GRIP1: variants seen among roughly 807,000 people sequenced by gnomAD.
GRIP1 encodes the protein glutamate receptor-interacting protein 1.
In GRIP1, 45 loss-of-function variants were observed where a neutral mutation model predicts 129.9. That is an observed-to-expected ratio of 0.35 (90% CI 0.27 to 0.44). The LOEUF (loss-of-function observed/expected upper bound fraction) is 0.44, where lower values mean the gene tolerates loss of function less well. Ranked by LOEUF, GRIP1 falls within the 20% of genes least tolerant of loss-of-function variation. GRIP1 has a pLI of 1.00. For missense variants in GRIP1, 1,196 were observed against 1,396.8 expected, an observed-to-expected ratio of 0.86 and a Z score of 2.29; for synonymous variants, 530 against 520.8, an observed-to-expected ratio of 1.02 and a Z score of -0.24.
intron 1 of GRIP1, among the ~76,000 whole-genome samples, chr12:66,981,101 A>G (rs1294987975): frequency 6.6e-6 from 1 of 152,192 alleles, no homozygotes; most frequent in Non-Finnish European, 1.5e-5. Context: ...TTAACCAAGC[A>G]CTTAAGCAAA....
At chr12:66,484,904 T>C (rs1410638173) in intron 7 of GRIP1, among the ~76,000 whole-genome samples, 1 of 152,200 alleles carries the variant, frequency 6.6e-6, no homozygotes, top group Non-Finnish European at 1.5e-5. Flanking sequence ...GAGTTGATCA[T>C]TATACACTCT....
intron 18 of GRIP1, 53 bp downstream of exon 18, chr12:66,392,624 A>G (rs762197654): frequency 1.9e-4 from 308 of 1,599,614 alleles, no homozygotes; most frequent in Admixed American, 6.8e-4. Flanking sequence ...CATTCTTTCA[A>G]GGAAGAAAAT....
chr12:66,622,396 T>C (rs1425228766), intron 1 of GRIP1, among the ~76,000 whole-genome samples: 1 of 152,090 alleles, frequency 6.6e-6, no homozygotes, highest in Non-Finnish European at 1.5e-5. Context: ...AACAATAATT[T>C]ATTGTGCATT....
chr12:66,901,552 C>A (rs930819349), intron 1 of GRIP1, among the ~76,000 whole-genome samples: 2 of 152,214 alleles, frequency 1.3e-5, no homozygotes, highest in African/African-American at 4.8e-5. Context: ...GGGAAGATGG[C>A]ACACATTAAG....
chr12:66,652,718 C>G (rs542884666), intron 1 of GRIP1, among the ~76,000 whole-genome samples: 1 of 152,320 alleles, frequency 6.6e-6, no homozygotes, highest in African/African-American at 2.4e-5. Context: ...GTGGCCATGT[C>G]CCCATCACTC....
At chr12:66,583,790 A>G (rs1274523561) in intron 2 of GRIP1, among the ~76,000 whole-genome samples, 1 of 135,146 alleles carries the variant, frequency 7.4e-6, no homozygotes. Flanking sequence ...AGAAATAGGA[A>G]CACTTTTACA....
upstream of GRIP1, among the ~76,000 whole-genome samples, chr12:66,679,696 G>C (rs2034509098): frequency 6.6e-6 from 1 of 152,142 alleles, no homozygotes; most frequent in Admixed American, 6.6e-5. Flanking sequence ...AAAGGACTTG[G>C]CTGGAAAGCA....
chr12:66,717,448 G>A (rs1481627297), intron 1 of GRIP1, among the ~76,000 whole-genome samples: 3 of 151,230 alleles, frequency 2.0e-5, no homozygotes, highest in Non-Finnish European at 4.4e-5. Flanking sequence ...GAAAATGTAC[G>A]CATCTGATGT....
chr12:66,456,997 A>C (rs1016115225), intron 9 of GRIP1, among the ~76,000 whole-genome samples: 3 of 152,208 alleles, frequency 2.0e-5, no homozygotes, highest in Non-Finnish European at 4.4e-5. Context: ...AAGCATATTT[A>C]CATTAGAAAT....
chr12:66,968,862 T>C (rs2042034171), intron 1 of GRIP1, among the ~76,000 whole-genome samples: 1 of 152,176 alleles, frequency 6.6e-6, no homozygotes, highest in Admixed American at 6.5e-5. Context: ...CATTATTCTT[T>C]TCTCTGAAGA....
chr12:66,618,456 T>C (rs1235163059), intron 1 of GRIP1, among the ~76,000 whole-genome samples: 1 of 152,096 alleles, frequency 6.6e-6, no homozygotes, highest in Admixed American at 6.6e-5. Context: ...TTTCACCATA[T>C]ATCTTCTCAT....
chr12:66,765,293 G>T (rs571215313), intron 1 of GRIP1, among the ~76,000 whole-genome samples: 3 of 152,114 alleles, frequency 2.0e-5, no homozygotes, highest in South Asian at 2.1e-4. Flanking sequence ...CATATTTTTT[G>T]AATGGGTTTC....
intron 1 of GRIP1, among the ~76,000 whole-genome samples, chr12:66,701,129 A>G (rs1169074111): frequency 1.3e-5 from 2 of 152,122 alleles, no homozygotes; most frequent in Non-Finnish European, 2.9e-5. Context: ...ACTAATAAAC[A>G]CAAACCCTCC....
At chr12:66,966,077 A>C (rs959169370) in intron 1 of GRIP1, among the ~76,000 whole-genome samples, 1 of 152,180 alleles carries the variant, frequency 6.6e-6, no homozygotes, top group Non-Finnish European at 1.5e-5. Context: ...GCTGAAGAAT[A>C]TATGGACTAT....
chr12:66,882,754 GC>G (rs1466076245), intron 1 of GRIP1, among the ~76,000 whole-genome samples: 2 of 152,114 alleles, frequency 1.3e-5, no homozygotes, highest in East Asian at 3.9e-4. Context: ...TTCATATTTT[GC>G]TTTTCAGTTC....
intron 1 of GRIP1, among the ~76,000 whole-genome samples, chr12:66,755,235 TA>T (rs1397036160): frequency 6.6e-6 from 1 of 152,196 alleles, no homozygotes; most frequent in Non-Finnish European, 1.5e-5. Flanking sequence ...AAGCCTTTAA[TA>T]TTTTTTTAGA....
At chr12:66,578,805 C>T (rs1199946952) in intron 2 of GRIP1, among the ~76,000 whole-genome samples, 1 of 152,208 alleles carries the variant, frequency 6.6e-6, no homozygotes, top group Non-Finnish European at 1.5e-5. Context: ...CTGCCTGCCT[C>T]CGTAGGCTCC....
At chr12:66,921,267 C>T (rs548932626) in intron 1 of GRIP1, among the ~76,000 whole-genome samples, 1 of 152,322 alleles carries the variant, frequency 6.6e-6, no homozygotes, top group African/African-American at 2.4e-5. Context: ...TTTCCATAAA[C>T]CCAACATGTG....
At chr12:66,639,141 GC>G (rs977694104) in intron 1 of GRIP1, among the ~76,000 whole-genome samples, 3 of 152,050 alleles carry the variant, frequency 2.0e-5, no homozygotes, top group Non-Finnish European at 4.4e-5. Flanking sequence ...TGTAATATAT[GC>G]CTAATAAATG....
Sources: gnomAD v4.1 joint callset for allele counts (sites outside exome capture counted in the v4.1 genomes callset) on GRCh38, gnomAD v4.1.1 for gene constraint, MANE v1.5 for transcripts, NCBI Gene and HGNC (gene_info 2026-07-23, HGNC 2026-07-21) for gene names.